The following CDH23 variants were observed in gnomAD, a reference collection of about 807,000 sequenced individuals.
CDH23 encodes the protein cadherin-23.
A neutral mutation model predicts 317.1 loss-of-function variants in CDH23; 189 were observed. The ratio of observed to expected loss-of-function variants is 0.60; its 90% CI spans 0.53 to 0.67. The LOEUF is 0.67. Among genes scored for constraint, CDH23 ranks in the 30% least tolerant of loss-of-function variants. CDH23 has a pLI of 0.00. For synonymous variants in CDH23, 1,839 were observed against 1,876.8 expected (o/e 0.98, Z 0.52); for missense variants, 4,401 against 4,592.4 (o/e 0.96, Z 1.20).
chr10:71,783,523 G>A (rs569573073), intron 41 of CDH23, among the ~76,000 whole-genome samples: 8 of 152,338 alleles, frequency 5.3e-5, no homozygotes, highest in African/African-American at 1.2e-4. Context: ...GGGACTGGAC[G>A]GTCTCTGGGC....
In CDH23 at chr10:71,459,812, C is replaced by A. The variant is rs184797639; in HGVS notation, c.145+13417C>A. Reference sequence around the variant, plus strand: ...ACTACCCCTGGCCAGCCCCAGAGCTCCCTGGAGGCAGCCTGTTCTTCTTCA... The same window carrying A: ...ACTACCCCTGGCCAGCCCCAGAGCTACCTGGAGGCAGCCTGTTCTTCTTCA... On this transcript the variant is annotated intron_variant, in intron 3 of 69. Transcript: ENST00000224721. Among the ~76,000 whole-genome samples, 3 of 152,304 alleles carry A rather than the reference C, an allele frequency of 2.0e-5. No individual in the cohort carries two copies. In the East Asian group the frequency reaches 5.8e-4, roughly 29 times the overall value.
chr10:71,429,629 C>T (rs1460804308), intron 1 of CDH23, among the ~76,000 whole-genome samples: 1 of 152,014 alleles, frequency 6.6e-6, no homozygotes, highest in Non-Finnish European at 1.5e-5. Context: ...GGGGGAAAGT[C>T]GTATTTAGCG....
intron 3 of CDH23, among the ~76,000 whole-genome samples, chr10:71,499,799 A>T (rs1299962784): frequency 2.6e-5 from 4 of 151,934 alleles, no homozygotes; most frequent in African/African-American, 9.7e-5. Flanking sequence ...AGATCATGCC[A>T]TTGCACTCCA....
rs576314982 is a variant in CDH23, at chr10:71,598,962, G to A, written c.833-16542G>A. 3.3e-4 allele frequency among the ~76,000 whole-genome samples: 51 copies of A among 152,330 alleles called. 1 individual carries two copies. The highest frequency in any genetic ancestry group is 1.2e-3 in the African/African-American group (48 of 41,574). ...GGGCTGAGCCTCCAGCTGGGAGGAT[G>A]AGGGCATTCTGGAGGCAGGCTGCCG... On this transcript the variant is annotated intron_variant, in intron 9 of 69. Transcript: ENST00000224721.
At chr10:71,433,121 A>G (rs1333410135) in intron 1 of CDH23, among the ~76,000 whole-genome samples, 1 of 152,310 alleles carries the variant, frequency 6.6e-6, no homozygotes, top group East Asian at 1.9e-4. Context: ...CTAGAAGACA[A>G]TAAAACTTCC....
chr10:71,732,812 C>T, intron 32 of CDH23: 1 of 680,610 alleles, frequency 1.5e-6, no homozygotes, highest in South Asian at 5.2e-5. Flanking sequence ...TGGGGTTTTC[C>T]CCCATTATCG....
At chr10:71,748,649 C>A (rs3747856) in intron 38 of CDH23, 2 of 152,508 alleles carry the variant, frequency 1.3e-5, no homozygotes, top group Non-Finnish European at 2.9e-5. Flanking sequence ...GACTGTGCCA[C>A]GAATCCAGCG....
At chr10:71,585,397 G>A in intron 9 of CDH23, among the ~76,000 whole-genome samples, 1 of 152,136 alleles carries the variant, frequency 6.6e-6, no homozygotes, top group East Asian at 1.9e-4. Context: ...ACAAGGATGG[G>A]CCTCCAAGCC....
At chr10:71,431,593 G>T (rs764561920) in intron 1 of CDH23, among the ~76,000 whole-genome samples, 1 of 152,200 alleles carries the variant, frequency 6.6e-6, no homozygotes, top group Non-Finnish European at 1.5e-5. Context: ...TTTCTGCAGC[G>T]CATTTCTGTA....
intron 11 of CDH23, among the ~76,000 whole-genome samples, chr10:71,636,545 G>A (rs917897786): frequency 3.9e-5 from 6 of 152,062 alleles, no homozygotes; most frequent in Non-Finnish European, 8.8e-5. Context: ...TGGGCATTAC[G>A]GGCCTTAGAG....
intron 1 of CDH23, among the ~76,000 whole-genome samples, chr10:71,437,428 A>G (rs1026494077): frequency 1.3e-5 from 2 of 152,252 alleles, no homozygotes; most frequent in Non-Finnish European, 2.9e-5. Flanking sequence ...ACCATGAGCT[A>G]TTATTATCTC....
At chr10:71,675,903 CTTTTT>C (rs66656163) in intron 15 of CDH23, among the ~76,000 whole-genome samples, 1 of 120,878 alleles carries the variant, frequency 8.3e-6, no homozygotes, top group Admixed American at 8.9e-5. Context: ...AGCCCTCTAA[CTTTTT>C]TTTTTTTTTT....
At chr10:71,813,389 G>A in intron 69 of CDH23, 41 bp downstream of exon 69, 2 of 1,472,934 alleles carry the variant, frequency 1.4e-6, no homozygotes, top group Non-Finnish European at 9.3e-7. Flanking sequence ...CTGTGCCCCA[G>A]CCTGGGGATG....
At chr10:71,408,771 C>T (rs770994834) in intron 1 of CDH23, among the ~76,000 whole-genome samples, 13 of 152,302 alleles carry the variant, frequency 8.5e-5, no homozygotes, top group Admixed American at 1.3e-4. Flanking sequence ...CCTTGGGAGC[C>T]GCTGTGGAGG....
intron 14 of CDH23, among the ~76,000 whole-genome samples, chr10:71,667,359 A>AGAGAGAGAGTGTGTGGGTGTGTGTGTGT (rs58361666): frequency 8.9e-6 from 1 of 112,080 alleles, no homozygotes; most frequent in African/African-American, 4.0e-5. Context: ...AGAGAGAGAG[A>AGAGAGAGAGTGTGTGGGTGTGTGTGTGT]GTGTGTGTGT....
chr10:71,565,585 A>G (rs1857352579), intron 6 of CDH23, among the ~76,000 whole-genome samples: 1 of 152,174 alleles, frequency 6.6e-6, no homozygotes, highest in African/African-American at 2.4e-5. Flanking sequence ...TGTTAATATC[A>G]GTGCTTCTTG....
intron 38 of CDH23, chr10:71,752,141 CA>C: frequency 5.0e-6 from 3 of 597,156 alleles, no homozygotes; most frequent in East Asian, 3.3e-5. Flanking sequence ...GCCAGGAAGC[CA>C]AAAATCACAG....
intron 3 of CDH23, among the ~76,000 whole-genome samples, chr10:71,486,640 C>T (rs973457836): frequency 2.6e-5 from 4 of 152,160 alleles, no homozygotes; most frequent in African/African-American, 2.4e-5. Flanking sequence ...AGATGGGAAA[C>T]GGAGGCTCAG....
intron 6 of CDH23, among the ~76,000 whole-genome samples, chr10:71,528,806 C>T (rs542074713): frequency 3.9e-5 from 6 of 152,258 alleles, no homozygotes; most frequent in Non-Finnish European, 5.9e-5. Context: ...GCTGGGCCTC[C>T]GCCCACCTGG....
Sources: allele counts gnomAD v4.1 joint callset (sites outside exome capture counted in the v4.1 genomes callset), GRCh38; gene constraint gnomAD v4.1.1; transcripts MANE v1.5; gene names NCBI Gene and HGNC (gene_info 2026-07-23, HGNC 2026-07-21).